STPG2: variants seen among roughly 807,000 people sequenced by gnomAD.
The protein encoded by STPG2 is sperm-tail PG-rich repeat-containing protein 2.
A neutral mutation model predicts 54.2 loss-of-function variants in STPG2; 56 were observed. The observed-to-expected ratio is 1.03, with a 90% CI of 0.83 to 1.29. The LOEUF is 1.29. Ranked by LOEUF, STPG2 falls within the 50% of genes most tolerant of loss-of-function variation. STPG2 has a pLI of 0.00. For synonymous variants in STPG2, 200 were observed against 181.8 expected, an observed-to-expected ratio of 1.10 and a Z score of -0.81; for missense variants, 596 against 544.9, an observed-to-expected ratio of 1.09 and a Z score of -0.93.
At chr4:97,692,832 T>A (rs1723416202) in intron 10 of STPG2, among the ~76,000 whole-genome samples, 1 of 152,132 alleles carries the variant, frequency 6.6e-6, no homozygotes, top group African/African-American at 2.4e-5. Flanking sequence ...AAACCTATCA[T>A]ATTAACAGGA....
intron 9 of STPG2, among the ~76,000 whole-genome samples, chr4:97,778,070 G>A (rs1168270237): frequency 6.6e-6 from 1 of 152,076 alleles, no homozygotes; most frequent in Non-Finnish European, 1.5e-5. Context: ...GTGGGGACAG[G>A]ACAGTGGGTG....
chr4:97,471,006 T>C (rs975892822), intron 4 of STPG2, among the ~76,000 whole-genome samples: 2 of 152,140 alleles, frequency 1.3e-5, no homozygotes, highest in African/African-American at 4.8e-5. Flanking sequence ...GCAGACAGTG[T>C]CGATGTCAAT....
At chr4:97,769,650 T>A (rs1297312842) in intron 9 of STPG2, among the ~76,000 whole-genome samples, 1 of 151,278 alleles carries the variant, frequency 6.6e-6, no homozygotes, top group Non-Finnish European at 1.5e-5. Flanking sequence ...TTCAATTATT[T>A]TATATATATA....
At chr4:97,708,779 T>C (rs1476501920) in intron 10 of STPG2, among the ~76,000 whole-genome samples, 2 of 151,732 alleles carry the variant, frequency 1.3e-5, no homozygotes, top group Non-Finnish European at 1.5e-5. Context: ...TTCTATAGTA[T>C]AAAATTATTC....
At chr4:98,105,043 C>A (rs139885156) in intron 5 of STPG2, among the ~76,000 whole-genome samples, 3 of 152,330 alleles carry the variant, frequency 2.0e-5, no homozygotes, top group Admixed American at 2.0e-4. Context: ...AAGACTCATA[C>A]GCTGCTGAGT....
chr4:97,614,209 T>A (rs1353421451), intron 10 of STPG2, among the ~76,000 whole-genome samples: 3 of 152,042 alleles, frequency 2.0e-5, no homozygotes, highest in African/African-American at 7.2e-5. Context: ...AGGCCATCCC[T>A]AAAGAACTGA....
chr4:97,980,969 T>A, intron 6 of STPG2, among the ~76,000 whole-genome samples, 190 bp downstream of exon 6: 1 of 152,224 alleles, frequency 6.6e-6, no homozygotes, highest in Non-Finnish European at 1.5e-5. Context: ...ACTGAAATCT[T>A]ACTAAAACTG....
intron 9 of STPG2, among the ~76,000 whole-genome samples, chr4:97,778,813 GC>G (rs1726482919): frequency 6.6e-6 from 1 of 152,102 alleles, no homozygotes; most frequent in Non-Finnish European, 1.5e-5. Flanking sequence ...TGATCCCCAG[GC>G]AAATAGAGCC....
At chr4:97,677,993 T>C (rs1226315854) in intron 10 of STPG2, among the ~76,000 whole-genome samples, 1 of 152,152 alleles carries the variant, frequency 6.6e-6, no homozygotes, top group African/African-American at 2.4e-5. Context: ...AACCTATATA[T>C]ACATCATTAA....
intron 10 of STPG2, among the ~76,000 whole-genome samples, chr4:97,690,912 T>C (rs1389448629): frequency 6.6e-6 from 1 of 152,166 alleles, no homozygotes; most frequent in African/African-American, 2.4e-5. Context: ...CTTAAACAGG[T>C]TGAATCAATC....
intron 6 of STPG2, among the ~76,000 whole-genome samples, chr4:97,980,193 A>C (rs983827285): frequency 6.6e-6 from 1 of 152,068 alleles, no homozygotes; most frequent in Non-Finnish European, 1.5e-5. Flanking sequence ...TGCCTCAAAA[A>C]TTTTTTTAAA....
At chr4:97,939,589 G>C (rs558474393) in intron 8 of STPG2, among the ~76,000 whole-genome samples, 2 of 152,200 alleles carry the variant, frequency 1.3e-5, no homozygotes, top group Admixed American at 1.3e-4. Flanking sequence ...TTGCTGGTGT[G>C]AAATCTGTTT....
At chr4:97,602,355 C>T (rs1733484713) in intron 10 of STPG2, among the ~76,000 whole-genome samples, 1 of 151,728 alleles carries the variant, frequency 6.6e-6, no homozygotes, top group African/African-American at 2.4e-5. Flanking sequence ...AAAACTCCAT[C>T]CATCCTCCTG....
intron 8 of STPG2, among the ~76,000 whole-genome samples, chr4:97,898,933 G>A (rs1731063593): frequency 6.6e-6 from 1 of 151,188 alleles, no homozygotes; most frequent in Non-Finnish European, 1.5e-5. Context: ...TTTAAGAGGT[G>A]AACTCCTATT....
At chr4:97,707,840 T>C (rs1014514665) in intron 10 of STPG2, among the ~76,000 whole-genome samples, 1 of 152,054 alleles carries the variant, frequency 6.6e-6, no homozygotes, top group Admixed American at 6.6e-5. Flanking sequence ...AAAGAAAATA[T>C]AAAGGCATTA....
intron 8 of STPG2, among the ~76,000 whole-genome samples, chr4:97,933,711 C>T (rs1481411015): frequency 1.3e-5 from 2 of 152,050 alleles, no homozygotes; most frequent in East Asian, 1.9e-4. Context: ...TATTCTGTTC[C>T]GTTGATCTAT....
chr4:98,008,518 GTTTTATAAATAGTTT>G (rs1735642841), intron 5 of STPG2, among the ~76,000 whole-genome samples: 5 of 7,184 alleles, frequency 7.0e-4, no homozygotes. Context: ...AAACTCACAG[GTTTTATAAATAGTTT>G]TATAAAAACT....
intron 8 of STPG2, among the ~76,000 whole-genome samples, chr4:97,915,875 C>T (rs1366843888): frequency 6.6e-6 from 1 of 151,954 alleles, no homozygotes; most frequent in Non-Finnish European, 1.5e-5. Context: ...GGGAAGATCA[C>T]CATGGCAATA....
At chr4:97,706,500 A>C (rs1723946540) in intron 10 of STPG2, among the ~76,000 whole-genome samples, 1 of 152,102 alleles carries the variant, frequency 6.6e-6, no homozygotes, top group African/African-American at 2.4e-5. Flanking sequence ...CAAAACACTA[A>C]ATTTTATCTA....
Sources: gnomAD v4.1 joint callset for allele counts (sites outside exome capture counted in the v4.1 genomes callset) on GRCh38, gnomAD v4.1.1 for gene constraint, MANE v1.5 for transcripts, NCBI Gene and HGNC (gene_info 2026-07-23, HGNC 2026-07-21) for gene names.